The following CD59 variants were observed in gnomAD, a reference collection of about 807,000 sequenced individuals.
CD59 encodes CD59 molecule (CD59 blood group).
Under a neutral mutation model 7.0 loss-of-function variants are expected in CD59, and 3 were observed. That is an observed-to-expected ratio of 0.43 (90% CI 0.19 to 1.10). The LOEUF is 1.10. Among genes scored for constraint, CD59 ranks in the 50% least tolerant of loss-of-function variants. The pLI, the probability that CD59 is intolerant of heterozygous loss-of-function variation, is 0.29. For missense variants in CD59, 143 were observed against 151.0 expected (o/e 0.95, Z 0.28); for synonymous variants, 60 against 62.0 (o/e 0.97, Z 0.15).
intron 1 of CD59, among the ~76,000 whole-genome samples, chr11:33,730,877 T>A (rs1445341530): frequency 6.6e-6 from 1 of 152,216 alleles, no homozygotes; most frequent in African/African-American, 2.4e-5. Context: ...TACTACAGAT[T>A]GAGGTCTGCA....
At chr11:33,718,674 C>G (rs1308825843) in intron 2 of CD59, 1 of 152,208 alleles carries the variant, frequency 6.6e-6, no homozygotes, top group Non-Finnish European at 1.5e-5. Flanking sequence ...GCAGACACAA[C>G]GTGAGGGTCA....
At chr11:33,713,551 T>C (rs184820301) in intron 3 of CD59, among the ~76,000 whole-genome samples, 1 of 152,200 alleles carries the variant, frequency 6.6e-6, no homozygotes, top group African/African-American at 2.4e-5. Flanking sequence ...TGCTGAAGTC[T>C]TAACTAAATA....
intron 1 of CD59, among the ~76,000 whole-genome samples, chr11:33,734,236 A>T (rs1375002296): frequency 2.0e-5 from 3 of 152,256 alleles, no homozygotes; most frequent in Non-Finnish European, 4.4e-5. Context: ...ACAAAGAGAA[A>T]ACAACCATCA....
At chr11:33,732,571 T>G (rs1247292834) in intron 1 of CD59, among the ~76,000 whole-genome samples, 2 of 152,200 alleles carry the variant, frequency 1.3e-5, no homozygotes, top group Non-Finnish European at 2.9e-5. Flanking sequence ...AGTGTGAGAA[T>G]GGACTAATAC....
rs1313430904 is a variant in CD59 at position 33,706,335 on chromosome 11, GAA to G, written c.*3789_*3790del. On this transcript the variant is annotated 3_prime_UTR_variant, in exon 4 of 4. Transcript: ENST00000642928. ...ATATTGAATAACCTGTAAGTAATTT[GAA>G]AAAGAGACTTCTGGCTAGTTTTCAC... is the stretch of plus-strand genomic sequence containing the variant. The G allele has an allele frequency of 3.3e-5, 5 of 152,070 alleles. No individual in the cohort carries two copies. The highest frequency in any genetic ancestry group is 1.2e-4 in the African/African-American group (5 of 41,418). The allele number at this position is 152,070 out of a possible 1,614,324, so 9.4% of individuals were successfully genotyped here. A position where few individuals can be genotyped will look rare whatever the true frequency, so the allele number is the denominator to read the frequency against.
intron 2 of CD59, among the ~76,000 whole-genome samples, chr11:33,722,129 C>T (rs1324286258): frequency 6.6e-6 from 1 of 152,126 alleles, no homozygotes; most frequent in Non-Finnish European, 1.5e-5. Flanking sequence ...ACTTCAGCCG[C>T]CGATTGTTGA....
chr11:33,721,340 G>T (rs778324863), intron 2 of CD59, among the ~76,000 whole-genome samples: 8 of 152,144 alleles, frequency 5.3e-5, no homozygotes, highest in Non-Finnish European at 1.2e-4. Context: ...CGACCTCCCG[G>T]AATGGCTGGA....
intron 3 of CD59, among the ~76,000 whole-genome samples, chr11:33,712,870 G>A (rs1221721428): frequency 6.6e-6 from 1 of 152,288 alleles, no homozygotes; most frequent in South Asian, 2.1e-4. Context: ...ATTGAGGTAA[G>A]TGCATTTATT....
chr11:33,726,678 A>G (rs1238035903), intron 1 of CD59, among the ~76,000 whole-genome samples: 1 of 152,266 alleles, frequency 6.6e-6, no homozygotes, highest in East Asian at 1.9e-4. Context: ...AACTAAGATC[A>G]GAGCAGATGT....
chr11:33,708,680 G>A lies in CD59; in HGVS notation c.*1446C>T, dbSNP rs1174053461. 6.6e-6 allele frequency: 1 copy of A among 151,638 alleles called. No homozygotes were observed. Among genetic ancestry groups the A allele is most frequent in the Non-Finnish European group, 1.5e-5 (1 of 67,948 alleles). The allele number at this position is 151,638 out of a possible 1,614,324, so 9.4% of individuals were successfully genotyped here. On this transcript the variant is annotated 3_prime_UTR_variant, in exon 4 of 4. Transcript: ENST00000642928. ...ACACAGAGCACCAAGGTAATGCTAA[G>A]TTTTGATAAGCAAGTTTCTATTTTC...
chr11:33,727,192 G>C (rs1854283529), intron 1 of CD59, among the ~76,000 whole-genome samples: 1 of 152,140 alleles, frequency 6.6e-6, no homozygotes, highest in Non-Finnish European at 1.5e-5. Context: ...GCATCATCTT[G>C]ACACCGAAAC....
chr11:33,731,703 G>A (rs1028736513), intron 1 of CD59, among the ~76,000 whole-genome samples: 8 of 152,186 alleles, frequency 5.3e-5, no homozygotes, highest in African/African-American at 1.9e-4. Flanking sequence ...CTGGCATAAG[G>A]GCCAGGTTAC....
intron 1 of CD59, chr11:33,722,687 G>A (rs1854126310): frequency 7.5e-7 from 1 of 1,342,214 alleles, no homozygotes; most frequent in East Asian, 3.3e-5. Context: ...CCACACTGTG[G>A]GAATAACACT....
At chr11:33,716,552 C>T (rs79556480) in intron 3 of CD59, among the ~76,000 whole-genome samples, 5,278 of 152,252 alleles carry the variant, frequency 0.035, 202 homozygotes, top group African/African-American at 0.095. Context: ...TTGCACACAT[C>T]GATTCTATCC....
At chr11:33,711,661 A>G (rs1853566242) in intron 3 of CD59, among the ~76,000 whole-genome samples, 1 of 152,094 alleles carries the variant, frequency 6.6e-6, no homozygotes, top group Admixed American at 6.5e-5. Flanking sequence ...TAGGCAACAA[A>G]GCAAGACCTT....
chr11:33,717,386 A>G lies in CD59; in HGVS notation c.153T>C (p.Cys51=), dbSNP rs1853844038. The G allele has an allele frequency of 4.3e-6, 7 of 1,611,812 alleles. No individual in the cohort carries two copies. Among genetic ancestry groups the G allele is most frequent in the Non-Finnish European group, 5.9e-6 (7 of 1,178,034 alleles). ...AVNCSSDFDA[C]LITKAGLQVY... is the part of the protein sequence containing the mutation. ...GGCTCTTACCAGCTTTGGTAATGAG[A>G]CACGCATCAAAATCAGATGAACAAT... The change falls in exon 3 of 4, where the codon TGT becomes TGC. Residue 51 remains cysteine, a synonymous_variant. Transcript: ENST00000642928.
At chr11:33,711,738 C>A (rs1853570044) in intron 3 of CD59, among the ~76,000 whole-genome samples, 1 of 151,980 alleles carries the variant, frequency 6.6e-6, no homozygotes, top group East Asian at 1.9e-4. Flanking sequence ...TCTCAAATGG[C>A]CAATAAGTAC....
chr11:33,706,224 C>T lies in CD59; in HGVS notation c.*3902G>A, dbSNP rs922083515. On this transcript the variant is annotated 3_prime_UTR_variant, in exon 4 of 4. Coordinates refer to ENST00000642928, the MANE Select transcript of CD59 (RefSeq NM_000611.6). ...CACCTAGAAATTAAGGTACTGTGGTCATTTATCTTATCCCAGAATAACAGG... is the reference window on the plus strand; with the variant it reads ...CACCTAGAAATTAAGGTACTGTGGTTATTTATCTTATCCCAGAATAACAGG... 2.0e-5 allele frequency: 3 copies of T among 152,030 alleles called. No homozygotes were observed. The highest frequency in any genetic ancestry group is 2.9e-5 in the Non-Finnish European group (2 of 68,004). 9.4% of individuals were successfully genotyped at this position (152,030 alleles called of 1,614,324 possible).
At chr11:33,717,946 G>C (rs1467719435) in intron 2 of CD59, 1 of 211,408 alleles carries the variant, frequency 4.7e-6, no homozygotes, top group African/African-American at 2.3e-5. Context: ...AGTATTAATA[G>C]ATGAACATCT....
Sources: allele counts gnomAD v4.1 joint callset (sites outside exome capture counted in the v4.1 genomes callset), GRCh38; gene constraint gnomAD v4.1.1; transcripts MANE v1.5; gene names NCBI Gene and HGNC (gene_info 2026-07-23, HGNC 2026-07-21).